Variants in ZBTB34 observed in about 807,000 individuals in gnomAD.
ZBTB34 encodes the protein zinc finger and BTB domain-containing protein 34.
Under a neutral mutation model 33.4 loss-of-function variants are expected in ZBTB34, and 1 was observed. The ratio of observed to expected loss-of-function variants is 0.03; its 90% CI spans 0.01 to 0.14. The LOEUF is 0.14. ZBTB34 is among the 10% of genes least tolerant of loss of function. The pLI is 1.00. For synonymous variants in ZBTB34, 283 were observed against 253.5 expected, an observed-to-expected ratio of 1.12 and a Z score of -1.11; for missense variants, 406 against 657.2, an observed-to-expected ratio of 0.62 and a Z score of 4.18.
At chr9:126,865,025 A>T (rs1006470641) in intron 1 of ZBTB34, among the ~76,000 whole-genome samples, 5 of 152,214 alleles carry the variant, frequency 3.3e-5, no homozygotes, top group African/African-American at 7.2e-5. Flanking sequence ...CTTGATTGAG[A>T]ATAATGGGTA....
At chr9:126,866,699 TG>T (rs2119208616) in intron 1 of ZBTB34, among the ~76,000 whole-genome samples, 1 of 152,336 alleles carries the variant, frequency 6.6e-6, no homozygotes, top group Admixed American at 6.5e-5. Context: ...ATTATCCATT[TG>T]CAGCCCATCT....
At chr9:126,881,340 T>G (rs888327018) in exon 2 of ZBTB34, 3 of 165,748 alleles carry the variant, frequency 1.8e-5, no homozygotes, top group African/African-American at 7.3e-5. Context: ...TTAAAATTCC[T>G]TTTAGGGGGT....
chr9:126,866,927 A>G (rs940770489), intron 1 of ZBTB34, among the ~76,000 whole-genome samples: 8 of 152,180 alleles, frequency 5.3e-5, no homozygotes, highest in Admixed American at 4.6e-4. Context: ...ACAGCAAGCA[A>G]CGTAATATAA....
chr9:126,867,819 G>T (rs2033229017), intron 1 of ZBTB34, among the ~76,000 whole-genome samples: 1 of 150,562 alleles, frequency 6.6e-6, no homozygotes, highest in African/African-American at 2.4e-5. Flanking sequence ...GGAATAGAGT[G>T]GCATTAAATG....
chr9:126,883,494 A>G (rs1199266665), exon 2 of ZBTB34: 17 of 167,126 alleles, frequency 1.0e-4, no homozygotes, highest in Non-Finnish European at 4.4e-5. Flanking sequence ...TGAGTTTACC[A>G]AAGAGTGACT....
intron 1 of ZBTB34, among the ~76,000 whole-genome samples, chr9:126,876,159 C>T (rs74501323): frequency 0.018 from 1,178 of 64,110 alleles, 73 homozygotes; most frequent in East Asian, 0.14. Flanking sequence ...TTTTCCCTTC[C>T]GTCCTTCCCC....
intron 1 of ZBTB34, among the ~76,000 whole-genome samples, chr9:126,865,305 T>A (rs997835271): frequency 1.3e-5 from 2 of 152,222 alleles, no homozygotes; most frequent in Non-Finnish European, 2.9e-5. Flanking sequence ...TTAGTTGACA[T>A]GTACTGAGAG....
chr9:126,862,804 C>G (rs2033158787), intron 1 of ZBTB34, among the ~76,000 whole-genome samples: 2 of 152,078 alleles, frequency 1.3e-5, no homozygotes, highest in South Asian at 2.1e-4. Context: ...CTTAATACTC[C>G]TCTCGGAGAC....
At chr9:126,861,702 A>T (rs2033145550) in intron 1 of ZBTB34, among the ~76,000 whole-genome samples, 1 of 152,144 alleles carries the variant, frequency 6.6e-6, no homozygotes, top group South Asian at 2.1e-4. Flanking sequence ...TTTTGTCCCT[A>T]GTAGTAGTTA....
At chr9:126,882,822 A>T (rs955163988) in exon 2 of ZBTB34, 1 of 167,086 alleles carries the variant, frequency 6.0e-6, no homozygotes, top group African/African-American at 2.4e-5. Flanking sequence ...AGAAATAAAA[A>T]GTCATTCAAG....
At position 126,879,840 on chromosome 9, in the gene ZBTB34, G is replaced by C. The variant is rs1193949070; in HGVS notation, c.441G>C (p.Glu147Asp). Reference sequence around the variant, plus strand: ...ACTCTGTTACCGTCGGTGCTGAAGAGAATCCCGAGAGTCGAAACGGAGTGA... The same window carrying C: ...ACTCTGTTACCGTCGGTGCTGAAGACAATCCCGAGAGTCGAAACGGAGTGA... Residue 147 changes from glutamate to aspartate, a missense_variant, in exon 2 of 2, where the codon GAG (glutamate) becomes GAC (aspartate). Coordinates refer to ENST00000319119, the Ensembl canonical transcript of ZBTB34. The surrounding 1 kb of genome is among the most constrained non-coding windows in gnomAD (Gnocchi z 6.4). 6.2e-7 allele frequency: 1 copy of C among 1,613,150 alleles called. No homozygotes were observed. The highest frequency in any genetic ancestry group is 1.1e-5 in the South Asian group (1 of 91,082).
rs765761722 is a variant in ZBTB34 at position 126,880,480 on chromosome 9, C to T, written c.1081C>T (p.Arg361Trp). 1.2e-5 allele frequency: 19 copies of T among 1,613,576 alleles called. No homozygotes were observed. Among genetic ancestry groups the T allele is most frequent in the East Asian group, 6.7e-5 (3 of 44,896 alleles). ...CAACCCCGGGTATGAGAGCAGTCCC[C>T]GGGAGAGGAGTGCGAGAGGGCATTG... Residue 361 changes from arginine to tryptophan, a missense_variant, in exon 2 of 2, where the codon CGG (arginine) becomes TGG (tryptophan). Transcript: ENST00000319119. This position sits in a 1 kb window ranked among gnomAD's most constrained non-coding sequence, Gnocchi z 6.7.
exon 1 of ZBTB34, chr9:126,860,696 G>C (rs1448315043): frequency 1.4e-5 from 2 of 146,868 alleles, no homozygotes; most frequent in African/African-American, 4.9e-5. Context: ...CGGCGGCGGA[G>C]GGGGCGCCGC....
rs749115225 is a variant in ZBTB34 at position 126,880,498 on chromosome 9, G to C, written c.1099G>C (p.Gly367Arg). 1 of 1,613,842 alleles carries C rather than the reference G, an allele frequency of 6.2e-7. No homozygotes were observed. Among genetic ancestry groups the C allele is most frequent in the South Asian group, 1.1e-5 (1 of 91,072 alleles). Residue 367 changes from glycine to arginine, a missense_variant, in exon 2 of 2, where the codon GGG (glycine) becomes CGG (arginine). Gly to Arg is a moderately radical substitution (Grantham distance 125, BLOSUM62 -2). Coordinates refer to ENST00000319119, the Ensembl canonical transcript of ZBTB34. This position sits in a 1 kb window ranked among gnomAD's most constrained non-coding sequence, Gnocchi z 6.7. ...CAGTCCCCGGGAGAGGAGTGCGAGA[G>C]GGCATTGGTACCCGTACAATGAGAG...
At chr9:126,873,638 T>G (rs1230210649) in intron 1 of ZBTB34, among the ~76,000 whole-genome samples, 2 of 152,120 alleles carry the variant, frequency 1.3e-5, no homozygotes, top group African/African-American at 4.8e-5. Context: ...GGAGTCTTGC[T>G]CTGTCGCCCA....
intron 1 of ZBTB34, among the ~76,000 whole-genome samples, chr9:126,863,192 A>G (rs1441162974): frequency 6.6e-6 from 1 of 152,188 alleles, no homozygotes; most frequent in Non-Finnish European, 1.5e-5. Flanking sequence ...CAGCTCTGTG[A>G]AGTTGAGCAA....
exon 2 of ZBTB34, chr9:126,884,973 G>A (rs1273422642): frequency 1.2e-5 from 2 of 166,946 alleles, no homozygotes; most frequent in Non-Finnish European, 2.9e-5. Flanking sequence ...ACTGGTCAGG[G>A]TTATTTATTA....
exon 2 of ZBTB34, chr9:126,882,891 ACAGGATCT>A (rs979373749): frequency 1.2e-5 from 2 of 167,044 alleles, no homozygotes; most frequent in Non-Finnish European, 2.9e-5. Context: ...TCTTTGGCAC[ACAGGATCT>A]GTTCACGTGT....
chr9:126,877,648 G>T (rs1044338313), intron 1 of ZBTB34, among the ~76,000 whole-genome samples: 2 of 152,186 alleles, frequency 1.3e-5, no homozygotes, highest in Non-Finnish European at 2.9e-5. Flanking sequence ...CTAGTAGAAG[G>T]TGATTCCTTT....
Sources: gnomAD v4.1 joint callset for allele counts (sites outside exome capture counted in the v4.1 genomes callset) on GRCh38, gnomAD v4.1.1 for gene constraint, Gnocchi (gnomAD v3.1) non-coding constraint, MANE v1.5 for transcripts, NCBI Gene and HGNC (gene_info 2026-07-23, HGNC 2026-07-21) for gene names.